The following INPP5D variants were observed in gnomAD, a reference collection of about 807,000 sequenced individuals.
INPP5D encodes the protein phosphatidylinositol 3,4,5-trisphosphate 5-phosphatase 1.
A neutral mutation model predicts 122.9 loss-of-function variants in INPP5D; 33 were observed. The ratio of observed to expected loss-of-function variants is 0.27; its 90% CI spans 0.20 to 0.36. INPP5D has a LOEUF of 0.36. INPP5D is among the 10% of genes least tolerant of loss of function. The pLI is 1.00. For synonymous variants in INPP5D, 584 were observed against 576.2 expected, an observed-to-expected ratio of 1.01 and a Z score of -0.19; for missense variants, 1,053 against 1,412.7, an observed-to-expected ratio of 0.75 and a Z score of 4.08.
At chr2:233,169,960 C>T (rs1694448584) in intron 14 of INPP5D, 66 bp from the exon 15 acceptor site, 2 of 1,607,536 alleles carry the variant, frequency 1.2e-6, no homozygotes, top group Non-Finnish European at 1.7e-6. Flanking sequence ...GCAGGAGTGA[C>T]TTCCTGCCAC....
intron 1 of INPP5D, 87 bp downstream of exon 1, chr2:233,060,699 C>CCTGTG: frequency 6.6e-7 from 1 of 1,526,182 alleles, no homozygotes; most frequent in Non-Finnish European, 9.0e-7. Flanking sequence ...GTTCTTATGT[C>CCTGTG]ACAGGACAGA....
intron 1 of INPP5D, among the ~76,000 whole-genome samples, chr2:233,068,408 C>A (rs1271959335): frequency 6.6e-6 from 1 of 151,760 alleles, no homozygotes; most frequent in Non-Finnish European, 1.5e-5. Context: ...GCCTGGCCAA[C>A]ACAGTGAAAC....
Position 233,150,700 on chromosome 2 carries a change from C to T in INPP5D, c.1030+3106C>T, listed in dbSNP as rs144775380. On this transcript the variant is annotated intron_variant, in intron 9 of 26. Transcript: ENST00000445964. The stretch of plus-strand genomic sequence containing the variant: ...CATCTTCTATGGGCCAGCCCTTCAT[C>T]GTGAACGCTTCCTCTAAGGATTTGC... Among the ~76,000 whole-genome samples the T allele has an allele frequency of 6.6e-3, 1,006 of 152,304 alleles. 7 individuals are homozygous for T. Among genetic ancestry groups the T allele is most frequent in the Middle Eastern group, 0.02 (6 of 294 alleles).
At chr2:233,131,184 T>C in intron 5 of INPP5D, 3 of 929,932 alleles carry the variant, frequency 3.2e-6, no homozygotes, top group Non-Finnish European at 3.8e-6. Flanking sequence ...CTGATTTCTT[T>C]TAGATTCTTT....
At chr2:233,190,414 G>A (rs749471658) in intron 22 of INPP5D, among the ~76,000 whole-genome samples, 6 of 152,284 alleles carry the variant, frequency 3.9e-5, no homozygotes, top group South Asian at 2.1e-4. Flanking sequence ...TGCTGACCCA[G>A]TCTCTAAAAC....
At chr2:233,064,788 C>T (rs932570734) in intron 1 of INPP5D, among the ~76,000 whole-genome samples, 5 of 152,214 alleles carry the variant, frequency 3.3e-5, no homozygotes, top group South Asian at 2.1e-4. Context: ...CTTGGGAGGG[C>T]GAAACTCCTA....
rs561802336 is a variant in INPP5D, at chr2:233,137,469, T to A, written c.666-2373T>A. Among the ~76,000 whole-genome samples, 20 of 120,064 alleles carry A rather than the reference T, an allele frequency of 1.7e-4. No homozygotes were observed. The South Asian group carries it at 2.5e-3, about 15-fold the overall frequency. The allele number at this position is 120,064 out of a possible 152,430, so 78.8% of individuals were successfully genotyped here. ...TCCATTAAACTTTTTTTTTTTTTTT[T>A]ATGAGATGGTGGCGTCTCCCTCTGT... On this transcript the variant is annotated intron_variant, in intron 5 of 26. Transcript: ENST00000445964.
At chr2:233,200,316 A>T (rs1695299338) in intron 25 of INPP5D, among the ~76,000 whole-genome samples, 1 of 152,258 alleles carries the variant, frequency 6.6e-6, no homozygotes, top group African/African-American at 2.4e-5. Context: ...TCTAGTAGCC[A>T]CAGGATGACA....
intron 2 of INPP5D, among the ~76,000 whole-genome samples, chr2:233,102,297 C>T (rs147423630): frequency 6.6e-6 from 1 of 152,214 alleles, no homozygotes; most frequent in African/African-American, 2.4e-5. Flanking sequence ...CCTGTGTTAC[C>T]CCATGATGCT....
rs1368244345 is a variant in INPP5D at position 233,082,317 on chromosome 2, CG to C, written c.198+2923del. Among the ~76,000 whole-genome samples, 1 of 152,318 alleles carries C rather than the reference CG, an allele frequency of 6.6e-6. No individual in the cohort carries two copies. Among genetic ancestry groups the C allele is most frequent in the East Asian group, 1.9e-4 (1 of 5,192 alleles). ...CCAATTAAGCAGACTCAGAGCCCTT[CG>C]GGGAAGCTTTAGCAGTTATTGATCT... is the stretch of plus-strand genomic sequence containing the variant. On this transcript the variant is annotated intron_variant, in intron 2 of 26. Coordinates refer to ENST00000445964, the MANE Select transcript of INPP5D (RefSeq NM_001017915.3). This position sits in a 1 kb window ranked among gnomAD's most constrained non-coding sequence, Gnocchi z 4.7.
At chr2:233,184,289 T>A in intron 19 of INPP5D, 119 bp from the exon 20 acceptor site, 1 of 1,407,940 alleles carries the variant, frequency 7.1e-7, no homozygotes, top group Non-Finnish European at 9.5e-7. Flanking sequence ...CTCCTCCCAC[T>A]AGACTCCCAC....
intron 9 of INPP5D, among the ~76,000 whole-genome samples, chr2:233,156,887 G>C (rs1192324881): frequency 6.6e-6 from 1 of 152,210 alleles, no homozygotes; most frequent in Non-Finnish European, 1.5e-5. Context: ...CGAAATCTAA[G>C]TTCCCAGATG....
At chr2:233,169,724 G>A in intron 14 of INPP5D, 1 of 578,306 alleles carries the variant, frequency 1.7e-6, no homozygotes, top group Non-Finnish European at 3.0e-6. Context: ...GCCTAGCTGG[G>A]GCCCAGGAAT....
chr2:233,180,992 C>A (rs1694769711), intron 18 of INPP5D, among the ~76,000 whole-genome samples: 1 of 152,184 alleles, frequency 6.6e-6, no homozygotes, highest in Non-Finnish European at 1.5e-5. Context: ...AGTTTTTAGG[C>A]TGATGCCCTC....
intron 2 of INPP5D, among the ~76,000 whole-genome samples, chr2:233,087,208 C>T (rs1000453200): frequency 3.3e-5 from 5 of 152,194 alleles, no homozygotes; most frequent in Admixed American, 1.3e-4. Context: ...AGAGGCCTCA[C>T]TTGATCACCC....
intron 24 of INPP5D, 27 bp from the exon 25 acceptor site, chr2:233,198,068 A>C (rs1695230424): frequency 1.3e-5 from 20 of 1,540,542 alleles, no homozygotes; most frequent in Non-Finnish European, 1.8e-5. Context: ...GGGACCCCTG[A>C]GATGTGACTC....
intron 1 of INPP5D, among the ~76,000 whole-genome samples, chr2:233,076,666 G>A (rs1691528598): frequency 6.6e-6 from 1 of 152,108 alleles, no homozygotes. Context: ...ATATATCAGA[G>A]TCTTATTCAT....
intron 9 of INPP5D, among the ~76,000 whole-genome samples, chr2:233,151,394 C>T (rs2106283960): frequency 6.6e-6 from 1 of 152,184 alleles, no homozygotes; most frequent in Middle Eastern, 3.4e-3. Flanking sequence ...CCACAGACTG[C>T]CAGCCCACTC....
Position 233,204,404 on chromosome 2 carries a change from C to T in INPP5D, c.3254C>T (p.Ser1085Phe). ...CAGGTGCCCGCGCCCCGGCTGCGCT[C>T]CTTCACGTGCTCATCCTCTGCCGAG... is the stretch of plus-strand genomic sequence containing the variant. ...GKQVPAPRLR[S>F]FTCSSSAEGR... Residue 1085 changes from serine (S) to phenylalanine (F), a missense_variant, in exon 26 of 27, where the codon TCC (serine) becomes TTC (phenylalanine). Coordinates refer to ENST00000445964, the MANE Select transcript of INPP5D (RefSeq NM_001017915.3). The T allele has an allele frequency of 6.2e-7, 1 of 1,610,370 alleles. No homozygotes were observed. Among genetic ancestry groups the T allele is most frequent in the Non-Finnish European group, 8.5e-7 (1 of 1,178,768 alleles).
Sources: gnomAD v4.1 joint callset for allele counts (sites outside exome capture counted in the v4.1 genomes callset) on GRCh38, gnomAD v4.1.1 for gene constraint, Gnocchi (gnomAD v3.1) non-coding constraint, MANE v1.5 for transcripts, NCBI Gene and HGNC (gene_info 2026-07-23, HGNC 2026-07-21) for gene names.